DPEP1: variants seen among roughly 807,000 people sequenced by gnomAD.
DPEP1 encodes beta-lactamase.
DPEP1 carries 50 observed loss-of-function variants against 42.3 expected under a neutral mutation model. That is an observed-to-expected ratio of 1.18 (90% CI 0.94 to 1.50). The LOEUF is 1.50. DPEP1 is among the 40% of genes most tolerant of loss of function. The pLI is 0.00. For synonymous variants in DPEP1, 297 were observed against 234.0 expected, an observed-to-expected ratio of 1.27 and a Z score of -2.46; for missense variants, 663 against 553.0, an observed-to-expected ratio of 1.20 and a Z score of -1.99.
chr16:89,635,826 G>A (rs2059670223), intron 2 of DPEP1, 82 bp from the exon 3 acceptor site: 2 of 1,479,874 alleles, frequency 1.4e-6, no homozygotes, highest in Admixed American at 2.4e-5. Context: ...AGTGGGGAGA[G>A]CAGCCCAGAG....
chr16:89,638,492 C>T, downstream of DPEP1: 1 of 1,275,072 alleles, frequency 7.8e-7, no homozygotes, highest in Non-Finnish European at 9.9e-7. Flanking sequence ...GTGAAAATGG[C>T]TCCTGGTTGG....
downstream of DPEP1, among the ~76,000 whole-genome samples, chr16:89,638,663 C>T (rs1356731367): frequency 1.3e-5 from 2 of 149,438 alleles, no homozygotes; most frequent in African/African-American, 4.9e-5. Flanking sequence ...CACACCCCAC[C>T]CCTGCACACA....
intron 1 of DPEP1, among the ~76,000 whole-genome samples, chr16:89,627,460 G>A (rs1399441648): frequency 1.3e-5 from 2 of 151,000 alleles, no homozygotes; most frequent in Non-Finnish European, 3.0e-5. Context: ...GTGTGCGCCT[G>A]TAATCCCAGC....
intron 1 of DPEP1, among the ~76,000 whole-genome samples, chr16:89,617,810 G>T (rs145590425): frequency 6.6e-6 from 1 of 152,344 alleles, no homozygotes; most frequent in Non-Finnish European, 1.5e-5. Flanking sequence ...GATCATTTGA[G>T]GTCAGGAGTT....
chr16:89,630,887 C>T (rs561852543), intron 2 of DPEP1, among the ~76,000 whole-genome samples: 12 of 152,056 alleles, frequency 7.9e-5, no homozygotes, highest in South Asian at 6.2e-4. Context: ...GCGACGGTGC[C>T]GGGCCCTTGC....
chr16:89,629,377 C>T (rs1248975758), intron 1 of DPEP1, among the ~76,000 whole-genome samples: 1 of 152,102 alleles, frequency 6.6e-6, no homozygotes, highest in East Asian at 1.9e-4. Flanking sequence ...TGGTGCACGC[C>T]TGTGGTCCCA....
chr16:89,628,228 G>C (rs1180266702), intron 1 of DPEP1, among the ~76,000 whole-genome samples: 4 of 148,828 alleles, frequency 2.7e-5, no homozygotes, highest in Admixed American at 2.0e-4. Flanking sequence ...GGCCACAAAA[G>C]GTATTTCTTT....
chr16:89,622,400 G>A (rs1416878164), intron 1 of DPEP1, among the ~76,000 whole-genome samples: 1 of 152,108 alleles, frequency 6.6e-6, no homozygotes, highest in African/African-American at 2.4e-5. Context: ...CAACTCTGCC[G>A]GCTGCACCCT....
At chr16:89,639,794 T>C (rs971366851), downstream of DPEP1, among the ~76,000 whole-genome samples, 19 of 152,186 alleles carry the variant, frequency 1.2e-4, no homozygotes, top group East Asian at 3.7e-3. Context: ...CAAGTAATTC[T>C]CCTGTCTCGG....
chr16:89,633,478 G>C (rs2059615725), intron 2 of DPEP1, among the ~76,000 whole-genome samples: 1 of 152,242 alleles, frequency 6.6e-6, no homozygotes, highest in Non-Finnish European at 1.5e-5. Flanking sequence ...TCTTTCCCCT[G>C]AGGAGCTCCA....
chr16:89,615,048 C>T (rs1312394944), intron 1 of DPEP1, among the ~76,000 whole-genome samples: 1 of 152,176 alleles, frequency 6.6e-6, no homozygotes, highest in African/African-American at 2.4e-5. Flanking sequence ...CATGGAGAAG[C>T]TCAGTGGGTG....
chr16:89,624,855 A>C (rs2059488615), intron 1 of DPEP1, among the ~76,000 whole-genome samples: 1 of 152,066 alleles, frequency 6.6e-6, no homozygotes, highest in Non-Finnish European at 1.5e-5. Context: ...TCTTAAGGGC[A>C]CCTTTCATGG....
chr16:89,636,888 A>T lies in DPEP1; in HGVS notation c.544A>T (p.Thr182Ser), dbSNP rs2059687853. 1.2e-6 allele frequency: 2 copies of T among 1,612,480 alleles called. No homozygotes were observed. The highest frequency in any genetic ancestry group is 8.5e-7 in the Non-Finnish European group (1 of 1,179,938). The change falls in exon 6 of 11, where the codon ACG (threonine) becomes TCG (serine). Residue 182 changes from threonine to serine, a missense_variant. Thr to Ser is a moderately conservative substitution (Grantham distance 58, BLOSUM62 1). Transcript: ENST00000690203. ...TPWADNWLVD[T>S]GDSEPQSQGL... is the part of the protein sequence containing the mutation. ...CAGGGCTGACAACTGGCTGGTGGAC[A>T]CGGGAGACAGCGAGCCCCAGAGCCA...
At chr16:89,626,846 G>A (rs576064030) in intron 1 of DPEP1, among the ~76,000 whole-genome samples, 6 of 152,198 alleles carry the variant, frequency 3.9e-5, no homozygotes, top group South Asian at 4.1e-4. Context: ...GGCCAGGCGC[G>A]GTGGCTCATG....
Position 89,637,622 on chromosome 16 carries a change from C to G in DPEP1, c.854-10C>G. The stretch of plus-strand genomic sequence containing the variant: ...TCACTCGGGACCCATACCTGCTGCT[C>G]CCTGGACAGACCATCTGGATCACAT... On this transcript the variant is annotated splice_polypyrimidine_tract_variant and intron_variant, in intron 8 of 10. Transcript: ENST00000690203. 6.2e-7 allele frequency: 1 copy of G among 1,612,888 alleles called. No homozygotes were observed. Among genetic ancestry groups the G allele is most frequent in the Non-Finnish European group, 8.5e-7 (1 of 1,179,992 alleles).
intron 3 of DPEP1, 38 bp from the exon 4 acceptor site, chr16:89,636,226 T>G: frequency 6.3e-7 from 1 of 1,585,300 alleles, no homozygotes; most frequent in East Asian, 2.3e-5. Flanking sequence ...GGCTGAGACC[T>G]GGCTGCATCA....
intron 1 of DPEP1, among the ~76,000 whole-genome samples, chr16:89,618,098 T>C (rs1055161617): frequency 2.6e-5 from 4 of 152,334 alleles, no homozygotes; most frequent in Admixed American, 1.3e-4. Flanking sequence ...ATTATTAGCA[T>C]GTATTTACCA....
At chr16:89,639,012 GCACCCCTGCACGCACACACCCCC>G (rs1378741375), downstream of DPEP1, among the ~76,000 whole-genome samples, 1 of 7,786 alleles carries the variant, frequency 1.3e-4, no homozygotes, top group Non-Finnish European at 2.2e-4. Flanking sequence ...CACACACACC[GCACCCCTGCACGCACACACCCCC>G]CACCCCTGCA....
intron 2 of DPEP1, among the ~76,000 whole-genome samples, chr16:89,635,285 T>C (rs1207002715): frequency 1.3e-5 from 2 of 151,850 alleles, no homozygotes; most frequent in African/African-American, 4.8e-5. Context: ...TGGGAAAACC[T>C]TGGAGAACTT....
Sources: allele counts gnomAD v4.1 joint callset (sites outside exome capture counted in the v4.1 genomes callset), GRCh38; gene constraint gnomAD v4.1.1; transcripts MANE v1.5; gene names NCBI Gene and HGNC (gene_info 2026-07-23, HGNC 2026-07-21).